LUZP2: variants seen among roughly 807,000 people sequenced by gnomAD.
LUZP2 encodes leucine zipper protein 2.
LUZP2 carries 52 observed loss-of-function variants against 51.6 expected under a neutral mutation model. The ratio of observed to expected loss-of-function variants is 1.01; its 90% CI spans 0.81 to 1.27. The LOEUF is 1.27. Ranked by LOEUF, LUZP2 falls within the 50% of genes most tolerant of loss-of-function variation. The pLI is 0.00. For missense variants in LUZP2, 436 were observed against 395.4 expected (o/e 1.10, Z -0.87); for synonymous variants, 154 against 137.3 (o/e 1.12, Z -0.85).
chr11:24,989,989 A>T (rs1347836567), intron 9 of LUZP2, among the ~76,000 whole-genome samples: 1 of 152,086 alleles, frequency 6.6e-6, no homozygotes, highest in Non-Finnish European at 1.5e-5. Flanking sequence ...ATCTGTCTCC[A>T]TTTAATCCTA....
chr11:24,640,817 T>A (rs372149267), intron 1 of LUZP2, among the ~76,000 whole-genome samples: 1 of 151,796 alleles, frequency 6.6e-6, no homozygotes, highest in Non-Finnish European at 1.5e-5. Context: ...AATTGCTGAC[T>A]TTCCTAAATT....
At chr11:24,756,065 C>A (rs918901310) in intron 4 of LUZP2, among the ~76,000 whole-genome samples, 17 of 152,078 alleles carry the variant, frequency 1.1e-4, no homozygotes, top group Admixed American at 7.2e-4. Context: ...GCTTTCACCA[C>A]CCCCCTTATG....
chr11:24,545,248 A>G (rs1851503823), intron 1 of LUZP2, among the ~76,000 whole-genome samples: 1 of 148,872 alleles, frequency 6.7e-6, no homozygotes, highest in African/African-American at 2.5e-5. Flanking sequence ...CTCTCTTGAT[A>G]GTTTCTTTTG....
chr11:24,840,214 C>G (rs151125796), intron 5 of LUZP2, among the ~76,000 whole-genome samples: 55 of 151,826 alleles, frequency 3.6e-4, no homozygotes, highest in African/African-American at 1.3e-3. Context: ...TCTCCTCAAC[C>G]CTTTCTTCTT....
At position 24,707,308 on chromosome 11, in the gene LUZP2, G is replaced by A. The variant is rs12288120; in HGVS notation, c.63-21861G>A. ...TCTCTCTCTCTCATTCTGTGTGTGC[G>A]TGTGTGTGTGTGTGTGTGCATGTGT... On this transcript the variant is annotated intron_variant, in intron 1 of 11. Coordinates refer to ENST00000336930, the MANE Select transcript of LUZP2 (RefSeq NM_001009909.4). 1.0e-2 allele frequency among the ~76,000 whole-genome samples: 1,302 copies of A among 130,208 alleles called. 17 individuals are homozygous for A. Among genetic ancestry groups the A allele is most frequent in the African/African-American group, 0.052 (1,257 of 24,402 alleles). 85.4% of individuals were successfully genotyped at this position (130,208 alleles called of 152,430 possible). A position where few individuals can be genotyped will look rare whatever the true frequency, so the allele number is the denominator to read the frequency against.
intron 7 of LUZP2, among the ~76,000 whole-genome samples, chr11:24,958,933 AG>A (rs1431975939): frequency 6.6e-6 from 1 of 152,174 alleles, no homozygotes. Flanking sequence ...TTTTTATATA[AG>A]GTAGTAAGGA....
At chr11:24,643,658 A>G (rs1855376603) in intron 1 of LUZP2, among the ~76,000 whole-genome samples, 1 of 152,182 alleles carries the variant, frequency 6.6e-6, no homozygotes, top group Non-Finnish European at 1.5e-5. Flanking sequence ...ATTATCCCGA[A>G]CAACCCCAAG....
At chr11:24,689,305 A>G (rs960420094) in intron 1 of LUZP2, among the ~76,000 whole-genome samples, 4 of 152,172 alleles carry the variant, frequency 2.6e-5, no homozygotes, top group African/African-American at 9.7e-5. Context: ...AAGGGACAGC[A>G]TGCACAGTGT....
At chr11:24,806,106 A>G (rs1849849095) in intron 5 of LUZP2, among the ~76,000 whole-genome samples, 1 of 152,226 alleles carries the variant, frequency 6.6e-6, no homozygotes, top group African/African-American at 2.4e-5. Context: ...ATGTTAGTCT[A>G]TAAAAAGTAT....
At chr11:24,956,721 G>T (rs1431579613) in intron 7 of LUZP2, among the ~76,000 whole-genome samples, 1 of 152,046 alleles carries the variant, frequency 6.6e-6, no homozygotes, top group Non-Finnish European at 1.5e-5. Flanking sequence ...ATAAGAGAAG[G>T]CTGGGAAGTA....
chr11:24,982,685 T>C (rs1159174534), intron 8 of LUZP2, among the ~76,000 whole-genome samples: 1 of 151,548 alleles, frequency 6.6e-6, no homozygotes, highest in African/African-American at 2.4e-5. Flanking sequence ...ACCTGGGAGA[T>C]GAAATAATCT....
At chr11:25,017,843 G>A (rs984294675) in intron 9 of LUZP2, among the ~76,000 whole-genome samples, 23 of 152,086 alleles carry the variant, frequency 1.5e-4, no homozygotes, top group African/African-American at 5.3e-4. Flanking sequence ...GATAGGAATT[G>A]CACTGCATCT....
chr11:25,047,579 T>C lies in LUZP2; in HGVS notation c.766-2459T>C, dbSNP rs573010520. ...CAGAATTCTATATTACATAGAATTC[T>C]TCAAATGGCATAGATTCTAACCCTT... On this transcript the variant is annotated intron_variant, in intron 9 of 11. Transcript: ENST00000336930. Among the ~76,000 whole-genome samples the C allele has an allele frequency of 3.4e-5, 5 of 145,122 alleles. No homozygotes were observed. In the South Asian group the frequency reaches 1.1e-3, roughly 33 times the overall value.
intron 3 of LUZP2, among the ~76,000 whole-genome samples, chr11:24,736,851 C>T (rs1018511056): frequency 3.3e-5 from 5 of 151,980 alleles, no homozygotes; most frequent in African/African-American, 1.2e-4. Context: ...ACATTAAAAG[C>T]ATCACCCAAG....
chr11:24,855,626 A>T (rs1303759262), intron 5 of LUZP2, among the ~76,000 whole-genome samples: 1 of 152,232 alleles, frequency 6.6e-6, no homozygotes, highest in Non-Finnish European at 1.5e-5. Context: ...TTTAACATTT[A>T]TATGGAACCA....
At chr11:24,722,819 A>G (rs1307873345) in intron 1 of LUZP2, among the ~76,000 whole-genome samples, 3 of 151,884 alleles carry the variant, frequency 2.0e-5, no homozygotes, top group Non-Finnish European at 4.4e-5. Context: ...TGGGAGGCTG[A>G]GGCAGGAGAA....
intron 4 of LUZP2, among the ~76,000 whole-genome samples, chr11:24,747,537 C>T (rs141677623): frequency 2.6e-5 from 4 of 152,202 alleles, no homozygotes; most frequent in Admixed American, 6.5e-5. Context: ...CCTGCCAGCA[C>T]GAGGCCCTTT....
chr11:24,735,020 A>AATC (rs1858879264), intron 3 of LUZP2, among the ~76,000 whole-genome samples: 1 of 151,966 alleles, frequency 6.6e-6, no homozygotes, highest in South Asian at 2.1e-4. Flanking sequence ...AACAAAAACC[A>AATC]ATCAATTAGT....
intron 10 of LUZP2, among the ~76,000 whole-genome samples, chr11:25,053,792 C>G (rs1407004187): frequency 3.3e-5 from 5 of 152,044 alleles, no homozygotes; most frequent in Non-Finnish European, 5.9e-5. Flanking sequence ...ATGTTTTAAT[C>G]TCTGTTGAGT....
Sources: allele counts gnomAD v4.1 joint callset (sites outside exome capture counted in the v4.1 genomes callset), GRCh38; gene constraint gnomAD v4.1.1; transcripts MANE v1.5; gene names NCBI Gene and HGNC (gene_info 2026-07-23, HGNC 2026-07-21).